Variants in MRTFB observed in about 807,000 individuals in gnomAD.
MRTFB encodes myocardin-related transcription factor B.
In MRTFB, 29 loss-of-function variants were observed where a neutral mutation model predicts 104.2. The ratio of observed to expected loss-of-function variants is 0.28; its 90% CI spans 0.21 to 0.38. MRTFB has a LOEUF of 0.38. MRTFB is among the 10% of genes least tolerant of loss of function. MRTFB has a pLI of 1.00. For synonymous variants in MRTFB, 535 were observed against 519.5 expected, an observed-to-expected ratio of 1.03 and a Z score of -0.41; for missense variants, 1,270 against 1,341.6, an observed-to-expected ratio of 0.95 and a Z score of 0.83.
At chr16:14,135,430 C>T (rs1232099697) in intron 2 of MRTFB, among the ~76,000 whole-genome samples, 2 of 152,202 alleles carry the variant, frequency 1.3e-5, no homozygotes, top group African/African-American at 4.8e-5. Context: ...ACAGATGCAG[C>T]ATTCAGCACA....
intron 15 of MRTFB, among the ~76,000 whole-genome samples, chr16:14,256,558 G>A (rs1163965579): frequency 1.3e-5 from 2 of 152,306 alleles, no homozygotes; most frequent in Admixed American, 1.3e-4. Context: ...ATGTGGACAT[G>A]CCAGCAGCCA....
Position 14,218,699 on chromosome 16 carries a change from T to A in MRTFB, c.515-121T>A, listed in dbSNP as rs2041542570. 1.1e-5 allele frequency: 11 copies of A among 981,780 alleles called. No homozygotes were observed. The Admixed American group carries it at 3.1e-4, about 28-fold the overall frequency. 60.8% of individuals were successfully genotyped at this position (981,780 alleles called of 1,614,324 possible). On this transcript the variant is annotated intron_variant, in intron 7 of 16. Transcript: ENST00000571589. Reference sequence around the variant, plus strand: ...TTCTTGCACTGGGAGGTACATTGTGTTCAATTTTTTTTTTAAGCAGCTTCA... The same window carrying A: ...TTCTTGCACTGGGAGGTACATTGTGATCAATTTTTTTTTTAAGCAGCTTCA...
chr16:14,054,405 T>C, the MRTFB span, among the ~76,000 whole-genome samples: 2 of 151,940 alleles, frequency 1.3e-5, no homozygotes, highest in Admixed American at 1.3e-4. Context: ...ATAGTAGAGA[T>C]GGAGTTTTAC....
In MRTFB at chr16:14,263,704, G is replaced by A. The variant is rs1293971524; in HGVS notation, c.*2260G>A. On this transcript the variant is annotated 3_prime_UTR_variant, in exon 17 of 17. Coordinates refer to ENST00000571589, the MANE Select transcript of MRTFB (RefSeq NM_001308142.2). The stretch of plus-strand genomic sequence containing the variant: ...AATACACAGTGCAGTGCAAGAAAAT[G>A]CTATCTCATTGGCCTACTCTCCTAT... 6.6e-6 allele frequency: 1 copy of A among 152,180 alleles called. No individual in the cohort carries two copies. Among genetic ancestry groups the A allele is most frequent in the Non-Finnish European group, 1.5e-5 (1 of 68,036 alleles). 9.4% of individuals were successfully genotyped at this position (152,180 alleles called of 1,614,324 possible).
chr16:14,075,913 A>T (rs1019823588), intron 1 of MRTFB, among the ~76,000 whole-genome samples: 4 of 152,166 alleles, frequency 2.6e-5, no homozygotes, highest in African/African-American at 7.2e-5. Context: ...TTTCATGTAG[A>T]TAAGATGTTC....
intron 2 of MRTFB, among the ~76,000 whole-genome samples, chr16:14,119,129 G>C (rs1362248895): frequency 6.6e-6 from 1 of 152,188 alleles, no homozygotes; most frequent in Non-Finnish European, 1.5e-5. Flanking sequence ...AACAGTTTGT[G>C]AATCGGGCAG....
rs1441770346 is a variant in MRTFB at position 14,245,529 on chromosome 16, C to A, written c.1081C>A (p.Pro361Thr). ...TCTAATTTTTGTTTTCTTTTGAAGGCCACTCAATGACAAAAATAGTAACAG... is the reference window on the plus strand; with the variant it reads ...TCTAATTTTTGTTTTCTTTTGAAGGACACTCAATGACAAAAATAGTAACAG... ...YQTILPAPFK[P>T]LNDKNSNSGN... The change falls in exon 11 of 17, where the codon CCA becomes ACA. Residue 361 changes from proline (P) to threonine (T), a missense_variant and splice_region_variant. Physicochemically the swap from Pro to Thr is conservative, Grantham distance 38 (BLOSUM62 -1). This residue lies in a region of MRTFB where 1,144 missense variants were observed against 1,131.5 expected (regional missense o/e 1.01). Transcript: ENST00000571589. 6.2e-7 allele frequency: 1 copy of A among 1,605,454 alleles called. No individual in the cohort carries two copies. Among genetic ancestry groups the A allele is most frequent in the Non-Finnish European group, 8.5e-7 (1 of 1,177,590 alleles).
intron 3 of MRTFB, among the ~76,000 whole-genome samples, chr16:14,161,787 G>A (rs926569398): frequency 3.3e-5 from 5 of 152,082 alleles, no homozygotes; most frequent in East Asian, 1.9e-4. Flanking sequence ...CACAAAAGAG[G>A]ATATCCAAAT....
At chr16:14,136,147 G>A (rs1221897132) in intron 2 of MRTFB, among the ~76,000 whole-genome samples, 3 of 152,010 alleles carry the variant, frequency 2.0e-5, no homozygotes, top group South Asian at 4.2e-4. Context: ...TGGTGGTGGT[G>A]CCTGTAATCC....
At chr16:14,243,456 A>G (rs1226724791) in intron 10 of MRTFB, among the ~76,000 whole-genome samples, 1 of 152,238 alleles carries the variant, frequency 6.6e-6, no homozygotes, top group African/African-American at 2.4e-5. Flanking sequence ...TTCAGCACCA[A>G]GGCTTTGTGT....
the MRTFB span, among the ~76,000 whole-genome samples, chr16:14,025,971 G>A: frequency 0.089 from 13,547 of 152,100 alleles, 666 homozygotes; most frequent in Non-Finnish European, 0.1. Flanking sequence ...AATAAATCAA[G>A]AAGACCTAAA....
At chr16:14,103,340 G>A (rs1037962021) in intron 2 of MRTFB, among the ~76,000 whole-genome samples, 2 of 152,194 alleles carry the variant, frequency 1.3e-5, no homozygotes, top group African/African-American at 4.8e-5. Flanking sequence ...ATAAAGTTCA[G>A]AGAGTGATGA....
the MRTFB span, among the ~76,000 whole-genome samples, chr16:14,037,152 C>T: frequency 7.2e-5 from 11 of 152,176 alleles, no homozygotes; most frequent in Admixed American, 1.3e-4. Context: ...TGCATCCCAG[C>T]TCTGCCACTT....
Position 14,071,347 on chromosome 16 carries a change from G to A in MRTFB, c.-147G>A. The A allele has an allele frequency of 6.0e-6, 1 of 167,196 alleles. No individual in the cohort carries two copies. The highest frequency in any genetic ancestry group is 1.2e-5 in the Non-Finnish European group (1 of 80,544). 10.4% of individuals were successfully genotyped at this position (167,196 alleles called of 1,614,324 possible). On this transcript the variant is annotated 5_prime_UTR_variant, in exon 1 of 17. Coordinates refer to ENST00000571589, the MANE Select transcript of MRTFB (RefSeq NM_001308142.2). Reference sequence around the variant, plus strand: ...ATCGCGCGGCGGCGGCGGGAGCGGCGGCGGCGGCGGCCGGGGAGGTGAGCG... The same window carrying A: ...ATCGCGCGGCGGCGGCGGGAGCGGCAGCGGCGGCGGCCGGGGAGGTGAGCG...
intron 15 of MRTFB, among the ~76,000 whole-genome samples, chr16:14,254,769 AT>A (rs1390702117): frequency 2.6e-5 from 4 of 152,252 alleles, no homozygotes; most frequent in Non-Finnish European, 5.9e-5. Flanking sequence ...CATCCATAAC[AT>A]TTATCCATAA....
intron 8 of MRTFB, among the ~76,000 whole-genome samples, chr16:14,220,122 A>AAGTAGTATG (rs755991496): frequency 6.6e-6 from 1 of 152,124 alleles, no homozygotes; most frequent in Non-Finnish European, 1.5e-5. Context: ...CCTGGCCTAG[A>AAGTAGTATG]AGTAGTATGA....
At chr16:14,074,618 G>C (rs2033925699) in intron 1 of MRTFB, among the ~76,000 whole-genome samples, 1 of 152,108 alleles carries the variant, frequency 6.6e-6, no homozygotes, top group Non-Finnish European at 1.5e-5. Flanking sequence ...ATTATATCTT[G>C]AAATTGATGG....
Position 14,092,497 on chromosome 16 carries a change from A to G in MRTFB, c.-64+13143A>G, listed in dbSNP as rs577416097. 2.0e-5 allele frequency among the ~76,000 whole-genome samples: 3 copies of G among 152,296 alleles called. No individual in the cohort carries two copies. In the East Asian group the frequency reaches 5.8e-4, roughly 29 times the overall value. On this transcript the variant is annotated intron_variant, in intron 2 of 16. Coordinates refer to ENST00000571589, the MANE Select transcript of MRTFB (RefSeq NM_001308142.2). ...GATGTTGTCTAGACCTGTGATTTTT[A>G]TGTCCAGGTAATGAAATTGTGCCTT...
At position 14,250,819 on chromosome 16, in the gene MRTFB, C is replaced by T. The variant is rs919311462; in HGVS notation, c.2404-1043C>T. Among the ~76,000 whole-genome samples the T allele has an allele frequency of 9.9e-5, 15 of 152,176 alleles. 1 individual carries two copies. Among genetic ancestry groups the T allele is most frequent in the Admixed American group, 5.2e-4 (8 of 15,302 alleles). On this transcript the variant is annotated intron_variant, in intron 13 of 16. Transcript: ENST00000571589. ...AGAGAGCAGAGGCAGATTCAAGCGG[C>T]GTCGCTGAGATGTGTGAACACTGAG...
Sources: allele counts gnomAD v4.1 joint callset (sites outside exome capture counted in the v4.1 genomes callset), GRCh38; gene constraint gnomAD v4.1.1; regional missense constraint gnomAD v4.1.1; transcripts MANE v1.5; gene names NCBI Gene and HGNC (gene_info 2026-07-23, HGNC 2026-07-21).